The following TMPRSS6 variants were observed in gnomAD, a reference collection of about 807,000 sequenced individuals.
TMPRSS6 encodes the protein transmembrane protease serine 6.
TMPRSS6 carries 67 observed loss-of-function variants against 101.5 expected under a neutral mutation model. The ratio of observed to expected loss-of-function variants is 0.66; its 90% confidence interval spans 0.54 to 0.81. The LOEUF (loss-of-function observed/expected upper bound fraction) is 0.81, where lower values mean the gene tolerates loss of function less well. Among genes scored for constraint, TMPRSS6 ranks in the 30% least tolerant of loss-of-function variants. The pLI, the probability that TMPRSS6 is intolerant of heterozygous loss-of-function variation, is 0.00. For missense variants in TMPRSS6, 1,034 were observed against 1,088.7 expected (o/e 0.95, Z 0.71); for synonymous variants, 453 against 464.9 (o/e 0.97, Z 0.33).
At chr22:37,094,892 G>A (rs977151742) in intron 6 of TMPRSS6, among the ~76,000 whole-genome samples, 1 of 152,168 alleles carries the variant, frequency 6.6e-6, no homozygotes, top group Non-Finnish European at 1.5e-5. Flanking sequence ...AGAATTTAGG[G>A]GCCATAGAGT....
chr22:37,099,111 G>A (rs914470782), intron 2 of TMPRSS6, among the ~76,000 whole-genome samples: 1 of 152,244 alleles, frequency 6.6e-6, no homozygotes, highest in Non-Finnish European at 1.5e-5. Flanking sequence ...AGTGCCACAT[G>A]GTGCTGTTGA....
At chr22:37,073,722 G>A in intron 12 of TMPRSS6, 77 bp from the exon 13 acceptor site, 1 of 894,662 alleles carries the variant, frequency 1.1e-6, no homozygotes, top group African/African-American at 1.6e-5. Flanking sequence ...GCCTGTAGAA[G>A]GTGTGCTGTA....
rs1930022162 is a variant in TMPRSS6, at chr22:37,098,483, A to G, written c.269T>C (p.Phe90Ser). 1.9e-6 allele frequency: 3 copies of G among 1,613,480 alleles called. No homozygotes were observed. Among genetic ancestry groups the G allele is most frequent in the East Asian group, 2.2e-5 (1 of 44,858 alleles). Residue 90 changes from phenylalanine (F) to serine (S), a missense_variant, in exon 3 of 18, where the codon TTC becomes TCC. Physicochemically the swap from Phe to Ser is radical, Grantham distance 155. Transcript: ENST00000676104. The part of the protein sequence containing the change: ...SGSLRVLNRH[F>S]SQDLTRRESS... ...TTCCCGGCGGGTAAGATCCTGGGAG[A>G]AGTGGCGATTGAGTACACGCAGACT...
chr22:37,085,003 G>A (rs1928606687), intron 8 of TMPRSS6, among the ~76,000 whole-genome samples, 164 bp from the exon 9 acceptor site: 1 of 152,144 alleles, frequency 6.6e-6, no homozygotes, highest in Non-Finnish European at 1.5e-5. Flanking sequence ...TGTAAAATGA[G>A]GACAGTAATA....
upstream of TMPRSS6, among the ~76,000 whole-genome samples, chr22:37,110,494 T>C (rs559614375): frequency 6.6e-6 from 1 of 152,274 alleles, no homozygotes; most frequent in Admixed American, 6.5e-5. Flanking sequence ...CGGTAGCCGC[T>C]GGTCACCCGT....
At chr22:37,071,066 G>T (rs201936136) in intron 13 of TMPRSS6, 34 bp from the exon 14 acceptor site, 2 of 1,595,102 alleles carry the variant, frequency 1.3e-6, no homozygotes, top group African/African-American at 1.3e-5. Context: ...GGGCACAGAA[G>T]GTGGGTCTCT....
chr22:37,084,181 G>T, intron 10 of TMPRSS6, 114 bp downstream of exon 10: 3 of 924,666 alleles, frequency 3.2e-6, no homozygotes, highest in Non-Finnish European at 5.2e-6. Flanking sequence ...CGCTCCCCTT[G>T]CTGCCCCTCT....
rs553138640 is a variant in TMPRSS6, at chr22:37,065,969, G to A, written c.*111C>T. On this transcript the variant is annotated 3_prime_UTR_variant, in exon 18 of 18. Transcript: ENST00000676104. ...CAAGATGCCACCTCCTGCCACCACA[G>A]GGCCTGCTCTCTCCCCCACCCCCCG... 6 of 1,424,528 alleles carry A rather than the reference G, an allele frequency of 4.2e-6. No homozygotes were observed. The highest frequency in any genetic ancestry group is 2.3e-5 in the East Asian group (1 of 43,388). 88.2% of individuals were successfully genotyped at this position (1,424,528 alleles called of 1,614,324 possible).
intron 13 of TMPRSS6, among the ~76,000 whole-genome samples, chr22:37,072,892 A>AATGGATGG: frequency 1.1e-5 from 1 of 94,636 alleles, no homozygotes; most frequent in East Asian, 3.6e-4. Context: ...TGGATGGATG[A>AATGGATGG]ATGGATGGAT....
intron 6 of TMPRSS6, 26 bp from the exon 7 acceptor site, chr22:37,089,808 CCT>C (rs1569015993): frequency 2.5e-6 from 4 of 1,601,982 alleles, no homozygotes; most frequent in Middle Eastern, 2.0e-4. Flanking sequence ...GGGCACAGCC[CCT>C]GATTCCTGTG....
At chr22:37,079,015 A>AAGAAAGAAAGAAAGAAAGAG (rs1387142117) in intron 10 of TMPRSS6, among the ~76,000 whole-genome samples, 1 of 131,020 alleles carries the variant, frequency 7.6e-6, no homozygotes, top group Non-Finnish European at 1.7e-5. Flanking sequence ...GAAAGAAAGA[A>AAGAAAGAAAGAAAGAAAGAG]AGAGAAAGAG....
Position 37,069,087 on chromosome 22 carries a change from G to C in TMPRSS6, c.2099C>G (p.Ala700Gly), listed in dbSNP as rs770790879. The part of the protein sequence containing the change: ...GLHCWITGWG[A>G]LREGGPISNA... The stretch of plus-strand genomic sequence containing the variant: ...CCGCTGCTCACCGCCCTCGCGCAAG[G>C]CGCCCCAGCCCGTAATCCAGCAGTG... The change falls in exon 16 of 18, where the codon GCC becomes GGC. Residue 700 changes from alanine to glycine, a missense_variant. Transcript: ENST00000676104. This position sits in a 1 kb window ranked among gnomAD's most constrained non-coding sequence, Gnocchi z 4.8. 3.2e-6 allele frequency: 5 copies of C among 1,545,048 alleles called. No homozygotes were observed. The East Asian group carries it at 1.2e-4, about 38-fold the overall frequency.
chr22:37,067,098 C>T lies in TMPRSS6; in HGVS notation c.2114-136G>A, dbSNP rs1054944373. The T allele has an allele frequency of 1.0e-4, 130 of 1,287,474 alleles. 1 individual carries two copies. The East Asian group carries it at 3.1e-3, about 31-fold the overall frequency. The allele number at this position is 1,287,474 out of a possible 1,614,324, so 79.8% of individuals were successfully genotyped here. ...TGCCCACCCTTACCCCTGCTAGGGT[C>T]GCACCTGCCCCTCTGCCTCCCTGTC... On this transcript the variant is annotated intron_variant, in intron 16 of 17. Transcript: ENST00000676104.
intron 11 of TMPRSS6, 28 bp from the exon 12 acceptor site, chr22:37,074,736 C>A (rs1165901852): frequency 6.2e-6 from 10 of 1,608,930 alleles, no homozygotes; most frequent in Non-Finnish European, 8.5e-6. Context: ...ACCGTGGAGG[C>A]AGGCAGGGCG....
chr22:37,065,945 A>G lies in TMPRSS6; in HGVS notation c.*135T>C. 1 of 1,178,584 alleles carries G rather than the reference A, an allele frequency of 8.5e-7. No individual in the cohort carries two copies. Among genetic ancestry groups the G allele is most frequent in the Non-Finnish European group, 1.2e-6 (1 of 818,368 alleles). 73.0% of individuals were successfully genotyped at this position (1,178,584 alleles called of 1,614,324 possible). ...CTGGAGCAGACATCAGGGACGAGACAAGATGCCACCTCCTGCCACCACAGG... is the reference window on the plus strand; with the variant it reads ...CTGGAGCAGACATCAGGGACGAGACGAGATGCCACCTCCTGCCACCACAGG... On this transcript the variant is annotated 3_prime_UTR_variant, in exon 18 of 18. Transcript: ENST00000676104.
intron 1 of TMPRSS6, among the ~76,000 whole-genome samples, chr22:37,107,940 G>A (rs1200733517): frequency 6.6e-6 from 1 of 152,186 alleles, no homozygotes; most frequent in Non-Finnish European, 1.5e-5. Flanking sequence ...TGAGAGCAGA[G>A]TCTGGTACTC....
At chr22:37,084,246 G>A (rs917042046) in intron 10 of TMPRSS6, 49 bp downstream of exon 10, 1 of 1,493,284 alleles carries the variant, frequency 6.7e-7, no homozygotes, top group African/African-American at 1.4e-5. Flanking sequence ...AGGGAAGAGA[G>A]GGAGGGGGAG....
At chr22:37,082,797 A>G (rs1928371586) in intron 10 of TMPRSS6, 3 of 366,704 alleles carry the variant, frequency 8.2e-6, no homozygotes, top group South Asian at 6.2e-5. Flanking sequence ...GCACAGGCCC[A>G]AAGTCACTCC....
In TMPRSS6 at chr22:37,073,539, G is replaced by T; in HGVS notation, c.1548C>A (p.Cys516Ter). The part of the protein sequence containing the change: ...DCLNGSDEEQ[C>*]QEGVPCGTFT... The stretch of plus-strand genomic sequence containing the variant: ...CGGCTAGGCCTGCCCTACCTTCCTG[G>T]CACTGCTCTTCGTCGCTGCCGTTGA... The change falls in exon 13 of 18, where the codon TGC becomes TGA. Residue 516 changes from cysteine to a stop codon, truncating the protein, a stop_gained. Coordinates refer to ENST00000676104, the MANE Select transcript of TMPRSS6 (RefSeq NM_001374504.1). LOFTEE classifies it high-confidence loss of function. The T allele has an allele frequency of 1.2e-6, 2 of 1,611,728 alleles. No homozygotes were observed. Among genetic ancestry groups the T allele is most frequent in the Non-Finnish European group, 1.7e-6 (2 of 1,177,862 alleles).
Sources: allele counts gnomAD v4.1 joint callset (sites outside exome capture counted in the v4.1 genomes callset), GRCh38; gene constraint gnomAD v4.1.1; non-coding constraint Gnocchi (gnomAD v3.1); transcripts MANE v1.5; gene names NCBI Gene and HGNC (gene_info 2026-07-23, HGNC 2026-07-21).